The following JAK3 variants were observed in gnomAD, a reference collection of about 807,000 sequenced individuals.
JAK3 encodes the protein Janus kinase 3.
Under a neutral mutation model 120.8 loss-of-function variants are expected in JAK3, and 88 were observed. The observed-to-expected ratio is 0.73, with a 90% CI of 0.61 to 0.87. JAK3 has a LOEUF of 0.87. Ranked by LOEUF, JAK3 falls within the 40% of genes least tolerant of loss-of-function variation. JAK3 has a pLI of 0.00. For synonymous variants in JAK3, 592 were observed against 628.6 expected (o/e 0.94, Z 0.87); for missense variants, 1,254 against 1,501.4 (o/e 0.84, Z 2.72).
rs1362489795 is a variant in JAK3, at chr19:17,841,412, G to A, written c.1119C>T (p.Ala373=). The part of the protein sequence containing the change: ...VAPPRLLEEV[A]EQCHGPITLD... ...ACGTGATGGGGCCGTGGCACTGCTC[G>A]GCCACTTCCTCCAGCAGCCTCGGCG... Residue 373 remains alanine (A), a synonymous_variant, in exon 8 of 24, where the codon GCC becomes GCT. Transcript: ENST00000458235. The surrounding 1 kb of genome is among the most constrained non-coding windows in gnomAD (Gnocchi z 4.1). 3.2e-6 allele frequency: 5 copies of A among 1,552,394 alleles called. No individual in the cohort carries two copies. The highest frequency in any genetic ancestry group is 4.4e-6 in the Non-Finnish European group (5 of 1,148,618).
At chr19:17,846,291 G>C (rs185094977) in intron 1 of JAK3, among the ~76,000 whole-genome samples, 1 of 152,090 alleles carries the variant, frequency 6.6e-6, no homozygotes, top group Non-Finnish European at 1.5e-5. Flanking sequence ...ATGATGTGCC[G>C]GTAAGCGATC....
intron 21 of JAK3, 130 bp from the exon 22 acceptor site, chr19:17,830,750 G>A (rs991317964): frequency 2.7e-6 from 2 of 733,442 alleles, no homozygotes; most frequent in Non-Finnish European, 4.9e-6. Context: ...CCAGGGTCTC[G>A]GTTTCCCTGG....
chr19:17,828,133 C>T (rs921057005), intron 23 of JAK3, among the ~76,000 whole-genome samples: 3 of 152,246 alleles, frequency 2.0e-5, no homozygotes, highest in South Asian at 4.1e-4. Context: ...CTTCCAGCGT[C>T]GGCCCCGTAA....
At chr19:17,844,624 C>G (rs2147701533) in intron 1 of JAK3, among the ~76,000 whole-genome samples, 194 bp from the exon 2 acceptor site, 1 of 151,924 alleles carries the variant, frequency 6.6e-6, no homozygotes, top group Middle Eastern at 3.4e-3. Context: ...CATGGCGAAA[C>G]CCTGCCTCTA....
intron 23 of JAK3, 35 bp downstream of exon 23, chr19:17,830,073 G>A: frequency 6.7e-7 from 1 of 1,490,918 alleles, no homozygotes; most frequent in Non-Finnish European, 9.2e-7. Flanking sequence ...CCAATCTACA[G>A]ACTGGGAAAC....
chr19:17,826,947 A>C, intron 23 of JAK3, 37 bp from the exon 24 acceptor site: 7 of 1,595,710 alleles, frequency 4.4e-6, no homozygotes, highest in Non-Finnish European at 6.0e-6. Context: ...GTCGTGCCTG[A>C]GCAGTCCAAA....
intron 23 of JAK3, among the ~76,000 whole-genome samples, 179 bp from the exon 24 acceptor site, chr19:17,827,089 C>T (rs1178063221): frequency 6.6e-6 from 1 of 152,046 alleles, no homozygotes; most frequent in Non-Finnish European, 1.5e-5. Context: ...AAGCAATTAT[C>T]CTGCCTCAGC....
chr19:17,834,996 G>C lies in JAK3; in HGVS notation c.2055C>G (p.Thr685=), dbSNP rs745486642. The change falls in exon 16 of 24, where the codon ACC becomes ACG. Residue 685 remains threonine (T), a synonymous_variant. Transcript: ENST00000458235. ...SPAVLSLEML[T]DRIPWVAPEC... is the part of the protein sequence containing the mutation. ...CGGGGGCCACCCAGGGGATCCTGTC[G>C]GTGAGCACTGAGGGAATGAAAGTGG... The C allele has an allele frequency of 3.2e-5, 52 of 1,613,972 alleles. No individual in the cohort carries two copies. The highest frequency in any genetic ancestry group is 4.2e-5 in the Non-Finnish European group (50 of 1,180,046).
intron 1 of JAK3, 43 bp from the exon 2 acceptor site, chr19:17,844,473 G>T: frequency 6.5e-7 from 1 of 1,530,818 alleles, no homozygotes; most frequent in East Asian, 2.4e-5. Context: ...TGGTCAGAGG[G>T]GATTGGACTT....
In JAK3 at chr19:17,841,523, G is replaced by T; in HGVS notation, c.1008C>A (p.Pro336=). The T allele has an allele frequency of 6.3e-7, 1 of 1,584,352 alleles. No individual in the cohort carries two copies. The highest frequency in any genetic ancestry group is 2.3e-5 in the East Asian group (1 of 43,218). ...CGAGCGCCACGAACGACAGAGCCTCGGGCAGCCCTGGGAACTCGGCCTCCT... is the reference window on the plus strand; with the variant it reads ...CGAGCGCCACGAACGACAGAGCCTCTGGCAGCCCTGGGAACTCGGCCTCCT... ...QILEAEFPGL[P]EALSFVALVD... Residue 336 remains proline, a synonymous_variant, in exon 8 of 24, where the codon CCC becomes CCA. Coordinates refer to ENST00000458235, the MANE Select transcript of JAK3 (RefSeq NM_000215.4). The surrounding 1 kb of genome is among the most constrained non-coding windows in gnomAD (Gnocchi z 4.1).
chr19:17,826,389 A>G lies in JAK3; in HGVS notation c.*354T>C, dbSNP rs2094203941. On this transcript the variant is annotated 3_prime_UTR_variant, in exon 24 of 24. Transcript: ENST00000458235. ...AACAGAGCGAGGCTCTGTCTCAAAA[A>G]TAAAAATAAAAATAAAAAAAATAAA... is the stretch of plus-strand genomic sequence containing the variant. The G allele has an allele frequency of 6.7e-6, 2 of 299,820 alleles. No individual in the cohort carries two copies. The highest frequency in any genetic ancestry group is 2.1e-5 in the African/African-American group (1 of 47,158). 18.6% of individuals were successfully genotyped at this position (299,820 alleles called of 1,614,324 possible). A position where few individuals can be genotyped will look rare whatever the true frequency, so the allele number is the denominator to read the frequency against.
chr19:17,837,057 A>C, intron 13 of JAK3, 72 bp downstream of exon 13: 1 of 970,706 alleles, frequency 1.0e-6, no homozygotes, highest in East Asian at 3.8e-5. Flanking sequence ...ATAGCGGCTC[A>C]GAACAGAGGT....
In JAK3 at chr19:17,837,791, C is replaced by A. The variant is rs1303589642; in HGVS notation, c.1701+141G>T. 4 of 1,255,106 alleles carry A rather than the reference C, an allele frequency of 3.2e-6. No homozygotes were observed. In the East Asian group the frequency reaches 7.1e-5, roughly 22 times the overall value. 77.7% of individuals were successfully genotyped at this position (1,255,106 alleles called of 1,614,324 possible). ...GAACTCCTGGCTTCAAACCATCCTC[C>A]TGCCTCAGCCTCCCAAAGTGCTGGG... On this transcript the variant is annotated intron_variant, in intron 12 of 23. Coordinates refer to ENST00000458235, the MANE Select transcript of JAK3 (RefSeq NM_000215.4).
intron 13 of JAK3, chr19:17,836,607 G>C: frequency 5.5e-6 from 2 of 364,680 alleles, no homozygotes; most frequent in Non-Finnish European, 5.1e-6. Flanking sequence ...CATATTCTGT[G>C]TCCTCTGCCT....
At chr19:17,839,317 TTA>T (rs1421421416) in intron 10 of JAK3, 158 bp downstream of exon 10, 1 of 733,370 alleles carries the variant, frequency 1.4e-6, no homozygotes, top group Admixed American at 2.0e-5. Flanking sequence ...GACCTAAAGG[TTA>T]TATATCTCTA....
chr19:17,847,180 G>A lies in JAK3; in HGVS notation c.-14+766C>T, dbSNP rs911375912. 6.6e-5 allele frequency among the ~76,000 whole-genome samples: 10 copies of A among 152,226 alleles called. No individual in the cohort carries two copies. In the East Asian group the frequency reaches 1.9e-3, roughly 29 times the overall value. The stretch of plus-strand genomic sequence containing the variant: ...CCCAAAGTGTTGGGATTAAAGGCAT[G>A]AGCCACTGTGCCCAGCCCCAGTCGA... On this transcript the variant is annotated intron_variant, in intron 1 of 23. Coordinates refer to ENST00000458235, the MANE Select transcript of JAK3 (RefSeq NM_000215.4).
chr19:17,831,343 T>C lies in JAK3; in HGVS notation c.2863A>G (p.Ile955Val). The part of the protein sequence containing the change: ...CVHRDLAARN[I>V]LVESEAHVKI... ...ACGTGTGCCTCGCTCTCCACGAGGA[T>C]GTTTCGGGCGGCCAGGTCGCGGTGC... is the stretch of plus-strand genomic sequence containing the variant. Residue 955 changes from isoleucine (I) to valine (V), a missense_variant, in exon 21 of 24, where the codon ATC becomes GTC. This residue lies in a region of JAK3 where 630 missense variants were observed against 819.8 expected (regional missense o/e 0.77). Coordinates refer to ENST00000458235, the MANE Select transcript of JAK3 (RefSeq NM_000215.4). This position sits in a 1 kb window ranked among gnomAD's most constrained non-coding sequence, Gnocchi z 5.1. The C allele has an allele frequency of 1.9e-6, 3 of 1,611,210 alleles. No homozygotes were observed. The highest frequency in any genetic ancestry group is 2.5e-6 in the Non-Finnish European group (3 of 1,179,830).
At chr19:17,845,624 C>T (rs2094250383) in intron 1 of JAK3, among the ~76,000 whole-genome samples, 1 of 152,112 alleles carries the variant, frequency 6.6e-6, no homozygotes, top group Non-Finnish European at 1.5e-5. Flanking sequence ...TGGCACACCC[C>T]CATAGTCCTA....
chr19:17,843,086 G>C lies in JAK3; in HGVS notation c.507C>G (p.Asp169Glu). The change falls in exon 5 of 24, where the codon GAC becomes GAG. Residue 169 changes from aspartate to glutamate, a missense_variant. Physicochemically the swap from Asp to Glu is conservative, Grantham distance 45. This residue lies in a region of JAK3 where 486 missense variants were observed against 503.0 expected (regional missense o/e 0.97). Coordinates refer to ENST00000458235, the MANE Select transcript of JAK3 (RefSeq NM_000215.4). The surrounding 1 kb of genome is among the most constrained non-coding windows in gnomAD (Gnocchi z 5.4). ...QGECLSLAVL[D>E]LARMAREQAQ... ...CCTGCTCTCGCGCCATCCGGGCCAG[G>C]TCCAACACGGCCAGGCTGAGACACT... 1 of 1,610,672 alleles carries C rather than the reference G, an allele frequency of 6.2e-7. No individual in the cohort carries two copies. Among genetic ancestry groups the C allele is most frequent in the Non-Finnish European group, 8.5e-7 (1 of 1,179,956 alleles).
Sources: allele counts gnomAD v4.1 joint callset (sites outside exome capture counted in the v4.1 genomes callset), GRCh38; gene constraint gnomAD v4.1.1; regional missense constraint gnomAD v4.1.1; non-coding constraint Gnocchi (gnomAD v3.1); transcripts MANE v1.5; gene names NCBI Gene and HGNC (gene_info 2026-07-23, HGNC 2026-07-21).